Variants in COL22A1 observed in about 807,000 individuals in gnomAD.
COL22A1 encodes the protein collagen type XXII alpha 1 chain, also known as collagen alpha-1(XXII) chain.
A neutral mutation model predicts 248.9 loss-of-function variants in COL22A1; 221 were observed. That is an observed-to-expected ratio of 0.89 (90% confidence interval 0.80 to 0.99). The LOEUF (loss-of-function observed/expected upper bound fraction) is 0.99, where lower values mean the gene tolerates loss of function less well. COL22A1 is among the 50% of genes least tolerant of loss of function. The pLI, the probability that COL22A1 is intolerant of heterozygous loss-of-function variation, is 0.00. For missense variants in COL22A1, 2,240 were observed against 2,179.0 expected (o/e 1.03, Z -0.56); for synonymous variants, 891 against 793.4 (o/e 1.12, Z -2.07).
intron 12 of COL22A1, among the ~76,000 whole-genome samples, chr8:138,786,340 G>C (rs1815514334): frequency 6.6e-6 from 1 of 152,076 alleles, no homozygotes; most frequent in Admixed American, 6.6e-5. Context: ...TTTTTACATG[G>C]TTAAGATAAC....
intron 49 of COL22A1, among the ~76,000 whole-genome samples, chr8:138,633,908 A>C (rs1241961680): frequency 6.6e-6 from 1 of 152,220 alleles, no homozygotes; most frequent in Non-Finnish European, 1.5e-5. Context: ...GTAAGATGTG[A>C]GGCTGAGAAA....
chr8:138,685,084 C>T, intron 38 of COL22A1, 124 bp downstream of exon 38: 3 of 718,034 alleles, frequency 4.2e-6, no homozygotes, highest in Non-Finnish European at 7.3e-6. Context: ...CCTTTCCCAA[C>T]CAGGCCCATT....
chr8:138,836,330 A>AAAAGG (rs1820428920), intron 4 of COL22A1, among the ~76,000 whole-genome samples: 1 of 152,208 alleles, frequency 6.6e-6, no homozygotes, highest in African/African-American at 2.4e-5. Context: ...AAGGAAAAGG[A>AAAAGG]AAAGACCAGT....
rs774408658 is a variant in COL22A1, at chr8:138,796,768, A to T, written c.1596+51T>A. 9.5e-6 allele frequency: 12 copies of T among 1,260,024 alleles called. No individual in the cohort carries two copies. In the South Asian group the frequency reaches 1.2e-4, roughly 13 times the overall value. The allele number at this position is 1,260,024 out of a possible 1,614,324, so 78.1% of individuals were successfully genotyped here. ...GTAGCACACACCTCCCCCAAACCTAAGTCCTCTGTCCCATTCCCTTGGAGG... is the reference window on the plus strand; with the variant it reads ...GTAGCACACACCTCCCCCAAACCTATGTCCTCTGTCCCATTCCCTTGGAGG... On this transcript the variant is annotated intron_variant, in intron 12 of 64. Transcript: ENST00000303045.
chr8:138,616,175 T>C (rs1397571636), intron 54 of COL22A1, 121 bp from the exon 55 acceptor site: 10 of 806,372 alleles, frequency 1.2e-5, no homozygotes, highest in Admixed American at 3.8e-5. Context: ...TCAACTTCCA[T>C]ACGCAGAGCC....
chr8:138,844,794 C>G (rs1426871971), intron 3 of COL22A1, among the ~76,000 whole-genome samples: 2 of 151,774 alleles, frequency 1.3e-5, no homozygotes, highest in Non-Finnish European at 2.9e-5. Context: ...ACTAAAGATA[C>G]AAAAAATTAG....
At chr8:138,862,854 G>T (rs1043727780) in intron 3 of COL22A1, among the ~76,000 whole-genome samples, 1 of 152,004 alleles carries the variant, frequency 6.6e-6, no homozygotes, top group African/African-American at 2.4e-5. Flanking sequence ...AATCAGAGAG[G>T]AGGAGACTTG....
intron 30 of COL22A1, among the ~76,000 whole-genome samples, chr8:138,704,995 A>G (rs570786646): frequency 3.3e-5 from 5 of 152,356 alleles, no homozygotes; most frequent in Admixed American, 6.5e-5. Context: ...CCCAAGCTTC[A>G]GTAGCTGATT....
intron 23 of COL22A1, among the ~76,000 whole-genome samples, chr8:138,734,772 A>G (rs911776690): frequency 6.6e-6 from 1 of 152,210 alleles, no homozygotes; most frequent in East Asian, 1.9e-4. Context: ...CTTGGAACCA[A>G]CCCAAATGCC....
At chr8:138,884,414 G>T (rs1029376756) in intron 1 of COL22A1, among the ~76,000 whole-genome samples, 2 of 152,190 alleles carry the variant, frequency 1.3e-5, no homozygotes, top group African/African-American at 2.4e-5. Context: ...TTCTTCAAGG[G>T]ATTCCTGAAC....
At chr8:138,841,451 GC>G (rs2131856664) in intron 4 of COL22A1, among the ~76,000 whole-genome samples, 1 of 152,308 alleles carries the variant, frequency 6.6e-6, no homozygotes, top group African/African-American at 2.4e-5. Context: ...GTTGAGTTGG[GC>G]TTTGGGGGAT....
At chr8:138,669,174 C>T (rs72727892) in intron 41 of COL22A1, among the ~76,000 whole-genome samples, 8,805 of 152,148 alleles carry the variant, frequency 0.058, 582 homozygotes, top group African/African-American at 0.16. Flanking sequence ...TGCGGAGTGG[C>T]GAAGGGGTCA....
chr8:138,866,867 G>T (rs1438381177), intron 3 of COL22A1, among the ~76,000 whole-genome samples: 4 of 152,150 alleles, frequency 2.6e-5, no homozygotes, highest in Non-Finnish European at 4.4e-5. Context: ...GTGGGCCGCT[G>T]GTCATGCATT....
intron 43 of COL22A1, 89 bp downstream of exon 43, chr8:138,661,941 G>T: frequency 1.0e-6 from 1 of 992,006 alleles, no homozygotes; most frequent in Non-Finnish European, 1.5e-6. Flanking sequence ...TGGCCACATG[G>T]TCAAAGGAGG....
chr8:138,692,270 T>TTGTGAGGTGTATGTGTGGAGGTGTGTGTA (rs1827104402), intron 35 of COL22A1, among the ~76,000 whole-genome samples: 1 of 42,964 alleles, frequency 2.3e-5, no homozygotes, highest in African/African-American at 1.2e-4. Context: ...GTGTGCATGT[T>TTGTGAGGTGTATGTGTGGAGGTGTGTGTA]TGTGTGCACA....
Position 138,703,347 on chromosome 8 carries a change from C to G in COL22A1, c.2518G>C (p.Gly840Arg). 6.2e-7 allele frequency: 1 copy of G among 1,613,452 alleles called. No individual in the cohort carries two copies. Among genetic ancestry groups the G allele is most frequent in the Non-Finnish European group, 8.5e-7 (1 of 1,179,462 alleles). Residue 840 changes from glycine (G) to arginine (R), a missense_variant and splice_region_variant, in exon 31 of 65, where the codon GGT becomes CGT. Gly to Arg is a moderately radical substitution (Grantham distance 125, BLOSUM62 -2). Coordinates refer to ENST00000303045, the MANE Select transcript of COL22A1 (RefSeq NM_152888.3). ...PGLKGDRGEKGEAGPAGPPGL... is the reference protein window; with the variant it reads ...PGLKGDRGEKREAGPAGPPGL... ...GGAGGGCCTGCAGGACCAGCTTCAC[C>G]CTAGATGGAGAAATGGAAAATCCAT...
chr8:138,642,149 G>C (rs542593459), intron 47 of COL22A1, among the ~76,000 whole-genome samples: 1 of 152,156 alleles, frequency 6.6e-6, no homozygotes, highest in Non-Finnish European at 1.5e-5. Context: ...GAGCTGTCCT[G>C]GGTGCTGGTG....
intron 41 of COL22A1, among the ~76,000 whole-genome samples, chr8:138,674,558 A>G (rs1825349974): frequency 6.6e-6 from 1 of 152,204 alleles, no homozygotes; most frequent in South Asian, 2.1e-4. Flanking sequence ...GAGCCAGCCA[A>G]TTACTTTTCA....
At chr8:138,769,856 C>G (rs1834217489) in intron 16 of COL22A1, among the ~76,000 whole-genome samples, 1 of 152,206 alleles carries the variant, frequency 6.6e-6, no homozygotes, top group Non-Finnish European at 1.5e-5. Flanking sequence ...ATGGAAAAGA[C>G]AGAGGTGCCC....
Sources: allele counts gnomAD v4.1 joint callset (sites outside exome capture counted in the v4.1 genomes callset), GRCh38; gene constraint gnomAD v4.1.1; transcripts MANE v1.5; gene names NCBI Gene and HGNC (gene_info 2026-07-23, HGNC 2026-07-21).